FARP1: variants seen among roughly 807,000 people sequenced by gnomAD.
The protein encoded by FARP1 is FERM, ARHGEF and pleckstrin domain-containing protein 1.
Under a neutral mutation model 128.8 loss-of-function variants are expected in FARP1, and 52 were observed. The ratio of observed to expected loss-of-function variants is 0.40; its 90% confidence interval spans 0.32 to 0.51. The LOEUF (loss-of-function observed/expected upper bound fraction) is 0.51, where lower values mean the gene tolerates loss of function less well. FARP1 is among the 20% of genes least tolerant of loss of function. FARP1 has a pLI of 0.45. For missense variants in FARP1, 1,333 were observed against 1,367.9 expected (o/e 0.97, Z 0.40); for synonymous variants, 580 against 551.8 (o/e 1.05, Z -0.72).
At chr13:98,445,812 C>A in intron 24 of FARP1, 1 of 302,234 alleles carries the variant, frequency 3.3e-6, no homozygotes, top group Non-Finnish European at 6.2e-6. Context: ...GAGCCTATTT[C>A]CAAATAAGCC....
chr13:98,165,923 T>C (rs1877235615), intron 1 of FARP1, among the ~76,000 whole-genome samples: 1 of 152,002 alleles, frequency 6.6e-6, no homozygotes, highest in Non-Finnish European at 1.5e-5. Flanking sequence ...TTTTGCCATG[T>C]TGGCCAGGCT....
At position 98,351,537 on chromosome 13, in the gene FARP1, G is replaced by A. The variant is rs554642263; in HGVS notation, c.276+7671G>A. On this transcript the variant is annotated intron_variant, in intron 3 of 26. Transcript: ENST00000319562. ...TGAGGCAGGAGAATGGCGTGAACCC[G>A]GGAGGCGGAGCTCGCAGTGAGCTGA... Among the ~76,000 whole-genome samples the A allele has an allele frequency of 2.2e-4, 34 of 151,844 alleles. No individual in the cohort carries two copies. The East Asian group carries it at 4.1e-3, about 18-fold the overall frequency.
intron 13 of FARP1, among the ~76,000 whole-genome samples, chr13:98,408,725 G>A (rs1411690411): frequency 6.6e-6 from 1 of 152,176 alleles, no homozygotes; most frequent in African/African-American, 2.4e-5. Flanking sequence ...AATGACGTCT[G>A]CTTTTGCATG....
intron 2 of FARP1, among the ~76,000 whole-genome samples, chr13:98,333,436 TACACACACACAC>T (rs60264788): frequency 1.5e-3 from 209 of 139,746 alleles, no homozygotes; most frequent in African/African-American, 4.3e-3. Flanking sequence ...CCCCCACATG[TACACACACACAC>T]ACACACACAC....
At chr13:98,439,470 C>T (rs929682622) in intron 21 of FARP1, among the ~76,000 whole-genome samples, 7 of 152,042 alleles carry the variant, frequency 4.6e-5, no homozygotes, top group Non-Finnish European at 8.8e-5. Context: ...CTTATAGAAT[C>T]GAGTGAAAGG....
intron 2 of FARP1, among the ~76,000 whole-genome samples, chr13:98,301,034 C>T (rs1045800377): frequency 2.6e-5 from 4 of 152,178 alleles, no homozygotes; most frequent in Non-Finnish European, 5.9e-5. Context: ...CAGGGGACAT[C>T]GAGCTGGGTC....
rs1437745563 is a variant in FARP1 at position 98,186,170 on chromosome 13, G to A, written c.-23-27050G>A. ...CAGGCTGGCTGGAGTGCAATGGCAC[G>A]ATCTTGGCTCACCGCAACCTCTGCC... On this transcript the variant is annotated intron_variant, in intron 1 of 26. Transcript: ENST00000319562. 5.3e-5 allele frequency among the ~76,000 whole-genome samples: 8 copies of A among 151,938 alleles called. 1 individual carries two copies. The highest frequency in any genetic ancestry group is 7.4e-5 in the Non-Finnish European group (5 of 67,966).
intron 1 of FARP1, among the ~76,000 whole-genome samples, chr13:98,149,084 T>C (rs924062793): frequency 2.2e-4 from 33 of 152,026 alleles, no homozygotes; most frequent in Admixed American, 3.3e-4. Flanking sequence ...GATGGGGTTT[T>C]GCCATGTTGC....
rs77357255 is a variant in FARP1, at chr13:98,447,944, C to T, written c.3057-292C>T. 2,860 of 448,066 alleles carry T rather than the reference C, an allele frequency of 6.4e-3. 58 individuals carry two copies. The highest frequency in any genetic ancestry group is 0.05 in the African/African-American group (2,488 of 49,702). 27.8% of individuals were successfully genotyped at this position (448,066 alleles called of 1,614,324 possible). On this transcript the variant is annotated intron_variant, in intron 26 of 26. Coordinates refer to ENST00000319562, the MANE Select transcript of FARP1 (RefSeq NM_005766.4). ...CCATGTCCATGAAAATAGGAGGTAG[C>T]GTTCTCCCCAGCAACCAGAGGCCAC...
At chr13:98,430,971 A>G (rs1891989127) in intron 17 of FARP1, 72 bp from the exon 18 acceptor site, 1 of 939,054 alleles carries the variant, frequency 1.1e-6, no homozygotes, top group Non-Finnish European at 1.7e-6. Flanking sequence ...CATTTCCCCA[A>G]GTGAAACTGG....
At chr13:98,182,082 A>AG (rs1878571347) in intron 1 of FARP1, among the ~76,000 whole-genome samples, 1 of 152,068 alleles carries the variant, frequency 6.6e-6, no homozygotes, top group Admixed American at 6.6e-5. Flanking sequence ...AAAGCTAAAA[A>AG]AAAAATAGAA....
chr13:98,421,554 T>C (rs1375498569), intron 16 of FARP1, among the ~76,000 whole-genome samples: 2 of 152,222 alleles, frequency 1.3e-5, no homozygotes, highest in Non-Finnish European at 2.9e-5. Context: ...CTGGAGCCAA[T>C]TATTTAAGTT....
intron 8 of FARP1, among the ~76,000 whole-genome samples, chr13:98,387,259 C>T (rs765116463): frequency 5.3e-5 from 8 of 152,118 alleles, no homozygotes; most frequent in Non-Finnish European, 1.0e-4. Flanking sequence ...CAAGATCATA[C>T]GACTGCCCTC....
At chr13:98,360,111 T>C in intron 3 of FARP1, among the ~76,000 whole-genome samples, 1 of 136,624 alleles carries the variant, frequency 7.3e-6, no homozygotes, top group African/African-American at 2.6e-5. Context: ...TTTTTTTTTT[T>C]TTTGAGATGG....
intron 2 of FARP1, among the ~76,000 whole-genome samples, chr13:98,270,938 C>T (rs1003642422): frequency 6.6e-6 from 1 of 152,198 alleles, no homozygotes; most frequent in Non-Finnish European, 1.5e-5. Context: ...ACCCTCTGAG[C>T]CATCGTTTCT....
At chr13:98,303,465 GA>G in intron 2 of FARP1, among the ~76,000 whole-genome samples, 1 of 152,296 alleles carries the variant, frequency 6.6e-6, no homozygotes, top group Non-Finnish European at 1.5e-5. Flanking sequence ...CGAGGGTTGA[GA>G]ACCTACAAAA....
chr13:98,173,775 TG>T (rs1318324610), intron 1 of FARP1, among the ~76,000 whole-genome samples: 1 of 152,222 alleles, frequency 6.6e-6, no homozygotes, highest in Admixed American at 6.5e-5. Context: ...TGGTGGGACC[TG>T]GTCCAGACAG....
intron 24 of FARP1, chr13:98,445,875 C>T (rs1892802369): frequency 2.0e-6 from 1 of 504,504 alleles, no homozygotes; most frequent in Non-Finnish European, 3.6e-6. Flanking sequence ...TGGGGGGACA[C>T]AGGGACCCCA....
At position 98,451,623 on chromosome 13, in the gene FARP1, G is replaced by A. The variant is rs1223919267; in HGVS notation, c.*3306G>A. 6.6e-6 allele frequency: 1 copy of A among 152,162 alleles called. No homozygotes were observed. Among genetic ancestry groups the A allele is most frequent in the African/African-American group, 2.4e-5 (1 of 41,434 alleles). The allele number at this position is 152,162 out of a possible 1,614,324, so 9.4% of individuals were successfully genotyped here. On this transcript the variant is annotated 3_prime_UTR_variant, in exon 27 of 27. Coordinates refer to ENST00000319562, the MANE Select transcript of FARP1 (RefSeq NM_005766.4). ...GAGGCCACTAGACCAGCAGATAGCT[G>A]AGCTACATCCCCAAGCTCACCCACT...
Sources: allele counts gnomAD v4.1 joint callset (sites outside exome capture counted in the v4.1 genomes callset), GRCh38; gene constraint gnomAD v4.1.1; transcripts MANE v1.5; gene names NCBI Gene and HGNC (gene_info 2026-07-23, HGNC 2026-07-21).